The following FBLN5 variants were observed in gnomAD, a reference collection of about 807,000 sequenced individuals.
FBLN5 encodes the protein fibulin-5.
In FBLN5, 24 loss-of-function variants were observed where a neutral mutation model predicts 61.6. The ratio of observed to expected loss-of-function variants is 0.39; its 90% CI spans 0.28 to 0.55. The LOEUF (loss-of-function observed/expected upper bound fraction) is 0.55, where lower values mean the gene tolerates loss of function less well. Ranked by LOEUF, FBLN5 falls within the 20% of genes least tolerant of loss-of-function variation. FBLN5 has a pLI of 0.65. For synonymous variants in FBLN5, 213 were observed against 219.8 expected (o/e 0.97, Z 0.27); for missense variants, 470 against 594.1 (o/e 0.79, Z 2.17).
chr14:91,924,021 C>T (rs2268000), intron 4 of FBLN5, among the ~76,000 whole-genome samples: 33,297 of 152,120 alleles, frequency 0.22, 3,819 homozygotes, highest in Middle Eastern at 0.34. Context: ...ACCCGACTCC[C>T]GCCAAGAGGC....
At chr14:91,945,809 G>C (rs547740559) in intron 1 of FBLN5, among the ~76,000 whole-genome samples, 24 of 152,344 alleles carry the variant, frequency 1.6e-4, no homozygotes, top group Middle Eastern at 6.8e-3. Flanking sequence ...TAGAACGCTG[G>C]AGACAGCTCT....
chr14:91,939,570 G>A (rs544313430), intron 3 of FBLN5, among the ~76,000 whole-genome samples: 1 of 152,214 alleles, frequency 6.6e-6, no homozygotes, highest in African/African-American at 2.4e-5. Flanking sequence ...TCGCACTCCT[G>A]CCCTCAGGTG....
chr14:91,893,106 GA>G (rs575646087), intron 5 of FBLN5, among the ~76,000 whole-genome samples: 10 of 150,786 alleles, frequency 6.6e-5, no homozygotes, highest in Non-Finnish European at 1.2e-4. Flanking sequence ...CTTGTGGTGG[GA>G]AAAAAAAACT....
At chr14:91,895,755 A>T (rs1002294686) in intron 4 of FBLN5, among the ~76,000 whole-genome samples, 12 of 142,884 alleles carry the variant, frequency 8.4e-5, no homozygotes, top group African/African-American at 2.7e-4. Flanking sequence ...CCGAGATCGC[A>T]CGACTTCACT....
At chr14:91,902,838 G>C (rs959723914) in intron 4 of FBLN5, among the ~76,000 whole-genome samples, 2 of 152,144 alleles carry the variant, frequency 1.3e-5, no homozygotes, top group Non-Finnish European at 2.9e-5. Flanking sequence ...GTCTAAGAGG[G>C]AATTTAAGTT....
intron 7 of FBLN5, among the ~76,000 whole-genome samples, chr14:91,885,201 C>T (rs1225835430): frequency 6.6e-6 from 1 of 152,208 alleles, no homozygotes; most frequent in African/African-American, 2.4e-5. Flanking sequence ...CTACATATCC[C>T]GGGGTCACAC....
chr14:91,880,845 C>A (rs190750743), intron 9 of FBLN5, among the ~76,000 whole-genome samples: 1 of 152,206 alleles, frequency 6.6e-6, no homozygotes, highest in Non-Finnish European at 1.5e-5. Flanking sequence ...GCCACCGTGC[C>A]CAGCCTTGCA....
At chr14:91,927,392 C>T (rs573729244) in intron 4 of FBLN5, among the ~76,000 whole-genome samples, 4 of 152,286 alleles carry the variant, frequency 2.6e-5, no homozygotes, top group Admixed American at 6.5e-5. Flanking sequence ...AGATAAGAGC[C>T]GCGGAGAACA....
chr14:91,918,104 A>C (rs1891272400), intron 4 of FBLN5, among the ~76,000 whole-genome samples: 1 of 152,230 alleles, frequency 6.6e-6, no homozygotes. Flanking sequence ...GTGGGAGGTC[A>C]GGGAAGCTGT....
chr14:91,927,431 A>G (rs1281756624), intron 4 of FBLN5, among the ~76,000 whole-genome samples: 1 of 152,268 alleles, frequency 6.6e-6, no homozygotes, highest in Admixed American at 6.5e-5. Context: ...ATTTCTGTAC[A>G]GAACCTATGT....
At chr14:91,898,217 G>A (rs1010056661) in intron 4 of FBLN5, among the ~76,000 whole-genome samples, 1 of 151,848 alleles carries the variant, frequency 6.6e-6, no homozygotes, top group Admixed American at 6.6e-5. Flanking sequence ...TTGGCGGGGG[G>A]GGCGGAATCT....
chr14:91,904,897 G>A lies in FBLN5; in HGVS notation c.380-9825C>T, dbSNP rs370027826. Among the ~76,000 whole-genome samples, 11 of 152,318 alleles carry A rather than the reference G, an allele frequency of 7.2e-5. No homozygotes were observed. In the East Asian group the frequency reaches 1.9e-3, roughly 27 times the overall value. On this transcript the variant is annotated intron_variant, in intron 4 of 10. Coordinates refer to ENST00000342058, the MANE Select transcript of FBLN5 (RefSeq NM_006329.4). ...ATGTTTCCTCTTTCCTCCTGGGACAGCTTGACATCCCAGATGGGAAAGAAC... is the reference window on the plus strand; with the variant it reads ...ATGTTTCCTCTTTCCTCCTGGGACAACTTGACATCCCAGATGGGAAAGAAC...
At chr14:91,905,804 TTC>T (rs928516906) in intron 4 of FBLN5, among the ~76,000 whole-genome samples, 4 of 152,122 alleles carry the variant, frequency 2.6e-5, no homozygotes, top group Non-Finnish European at 5.9e-5. Context: ...GGTCTCGATC[TTC>T]TGATCTTGTG....
chr14:91,937,061 A>G lies in FBLN5; in HGVS notation c.265T>C (p.Ser89Pro), dbSNP rs896665070. 7.4e-6 allele frequency: 12 copies of G among 1,613,810 alleles called. No homozygotes were observed. Among genetic ancestry groups the G allele is most frequent in the Non-Finnish European group, 1.0e-5 (12 of 1,179,902 alleles). The change falls in exon 4 of 11, where the codon TCA (serine) becomes CCA (proline). Residue 89 changes from serine (S) to proline (P), a missense_variant. Coordinates refer to ENST00000342058, the MANE Select transcript of FBLN5 (RefSeq NM_006329.4). ...PYSNPYSTPY[S>P]GPYPAAAPPL... ...GGGGCAGCTGCTGGGTACGGACCTG[A>G]GTAGGGGGTCGAGTAGGGGTTCGAG...
intron 4 of FBLN5, among the ~76,000 whole-genome samples, chr14:91,910,165 A>G (rs886968482): frequency 6.6e-6 from 1 of 152,230 alleles, no homozygotes; most frequent in Non-Finnish European, 1.5e-5. Flanking sequence ...AATGTGGTAC[A>G]TTCACATGAG....
intron 10 of FBLN5, among the ~76,000 whole-genome samples, chr14:91,872,018 G>C (rs1888956458): frequency 6.6e-6 from 1 of 152,138 alleles, no homozygotes; most frequent in Non-Finnish European, 1.5e-5. Flanking sequence ...AATCCCCAGG[G>C]CTTTGTGTGC....
intron 8 of FBLN5, 41 bp from the exon 9 acceptor site, chr14:91,881,459 T>C (rs777269752): frequency 5.4e-5 from 87 of 1,613,320 alleles, no homozygotes; most frequent in South Asian, 2.5e-4. Flanking sequence ...CAGGGCATTA[T>C]TGGCCAGGCC....
At chr14:91,903,708 C>T (rs1890556053) in intron 4 of FBLN5, among the ~76,000 whole-genome samples, 1 of 152,164 alleles carries the variant, frequency 6.6e-6, no homozygotes. Context: ...TTTCCAGTGG[C>T]CCAGGCTAGA....
Position 91,877,594 on chromosome 14 carries a change from A to G in FBLN5, c.1078T>C (p.Ser360Pro). The change falls in exon 10 of 11, where the codon TCC (serine) becomes CCC (proline). Residue 360 changes from serine to proline, a missense_variant. By Grantham distance (74) the Ser-to-Pro change is moderately conservative (BLOSUM62 -1). Coordinates refer to ENST00000342058, the MANE Select transcript of FBLN5 (RefSeq NM_006329.4). The part of the protein sequence containing the change: ...YRDMDVVSGR[S>P]VPADIFQMQA... ...ATTTGGAAGATGTCAGCGGGAACGG[A>G]GCGTCCTGACACCACGTCCATGTCC... The G allele has an allele frequency of 1.2e-6, 2 of 1,613,972 alleles. No homozygotes were observed. The highest frequency in any genetic ancestry group is 1.7e-6 in the Non-Finnish European group (2 of 1,179,856).
Sources: gnomAD v4.1 joint callset for allele counts (sites outside exome capture counted in the v4.1 genomes callset) on GRCh38, gnomAD v4.1.1 for gene constraint, MANE v1.5 for transcripts, NCBI Gene and HGNC (gene_info 2026-07-23, HGNC 2026-07-21) for gene names.